The following RFFL variants were observed in gnomAD, a reference collection of about 807,000 sequenced individuals.
The protein encoded by RFFL is ring finger and FYVE like domain containing E3 ubiquitin protein ligase.
RFFL carries 16 observed loss-of-function variants against 40.4 expected under a neutral mutation model. The observed-to-expected ratio is 0.40, with a 90% confidence interval of 0.27 to 0.60. The LOEUF (loss-of-function observed/expected upper bound fraction) is 0.60, where lower values mean the gene tolerates loss of function less well. Among genes scored for constraint, RFFL ranks in the 20% least tolerant of loss-of-function variants. The pLI is 0.47. For missense variants in RFFL, 367 were observed against 451.7 expected (o/e 0.81, Z 1.70); for synonymous variants, 154 against 167.9 (o/e 0.92, Z 0.64).
chr17:35,051,543 C>G (rs2091231831), intron 1 of RFFL, among the ~76,000 whole-genome samples: 1 of 152,168 alleles, frequency 6.6e-6, no homozygotes, highest in African/African-American at 2.4e-5. Context: ...TAACAAGCAC[C>G]AAAAACCAAT....
rs60371081 is a variant in RFFL at position 35,086,149 on chromosome 17, T to C, written c.-9+2956A>G. ...GTCACAAAATAAGAAGTTAATCAGA[T>C]ATTTCCTTACGAAAGACCCGGGAGT... On this transcript the variant is annotated intron_variant, in intron 1 of 6. Coordinates refer to the RFFL transcript ENST00000315249. 4.9e-3 allele frequency among the ~76,000 whole-genome samples: 741 copies of C among 152,322 alleles called. 6 individuals carry two copies. The highest frequency in any genetic ancestry group is 0.017 in the African/African-American group (716 of 41,568).
chr17:35,073,403 G>A (rs1053360706), intron 1 of RFFL, among the ~76,000 whole-genome samples: 1 of 152,172 alleles, frequency 6.6e-6, no homozygotes. Context: ...AGACAAATAA[G>A]TTGTGAAAGA....
At chr17:35,058,215 T>A (rs2091271311) in intron 1 of RFFL, among the ~76,000 whole-genome samples, 1 of 151,902 alleles carries the variant, frequency 6.6e-6, no homozygotes, top group Admixed American at 6.6e-5. Context: ...ATTATATCTA[T>A]CTATCCCCCC....
chr17:35,040,229 C>T (rs938382273), intron 1 of RFFL, among the ~76,000 whole-genome samples: 1 of 152,200 alleles, frequency 6.6e-6, no homozygotes, highest in East Asian at 1.9e-4. Flanking sequence ...TGCTTCTTAC[C>T]CCTCCCTCTG....
chr17:35,052,317 A>G (rs907321839), intron 1 of RFFL, among the ~76,000 whole-genome samples: 28 of 152,222 alleles, frequency 1.8e-4, no homozygotes, highest in African/African-American at 6.8e-4. Flanking sequence ...AATTTTAAGT[A>G]CTGTTCTTTA....
At chr17:35,076,329 C>T (rs1411151588) in intron 1 of RFFL, among the ~76,000 whole-genome samples, 1 of 152,014 alleles carries the variant, frequency 6.6e-6, no homozygotes, top group African/African-American at 2.4e-5. Context: ...AGGTTGGCTA[C>T]TGTGGGCACA....
At chr17:35,073,900 A>T (rs2091363440) in intron 1 of RFFL, 1 of 152,180 alleles carries the variant, frequency 6.6e-6, no homozygotes, top group Admixed American at 6.5e-5. Flanking sequence ...CACATCAAAA[A>T]CGTTTACAAT....
intron 4 of RFFL, among the ~76,000 whole-genome samples, chr17:35,017,310 C>T (rs564839215): frequency 1.3e-5 from 2 of 152,276 alleles, no homozygotes; most frequent in South Asian, 2.1e-4. Context: ...GAGGCTTCTC[C>T]GTCTCCACTG....
intron 2 of RFFL, among the ~76,000 whole-genome samples, chr17:35,023,719 T>C (rs1379034572): frequency 1.3e-5 from 2 of 152,378 alleles, no homozygotes; most frequent in Non-Finnish European, 2.9e-5. Context: ...GACACAATTA[T>C]AAAGCCTGCG....
chr17:35,055,682 A>C (rs2091256774), intron 1 of RFFL, among the ~76,000 whole-genome samples: 1 of 133,966 alleles, frequency 7.5e-6, no homozygotes, highest in Non-Finnish European at 1.5e-5. Flanking sequence ...AAAAAAAAAC[A>C]AACAAACAAA....
At chr17:35,038,152 G>C (rs192547837) in intron 1 of RFFL, among the ~76,000 whole-genome samples, 1 of 152,186 alleles carries the variant, frequency 6.6e-6, no homozygotes, top group Admixed American at 6.5e-5. Context: ...AGCCAGGCGT[G>C]GTGGCACATG....
chr17:35,064,941 C>A (rs770866500), upstream of RFFL, among the ~76,000 whole-genome samples: 1 of 152,204 alleles, frequency 6.6e-6, no homozygotes, highest in Non-Finnish European at 1.5e-5. Flanking sequence ...AGGATAGCCA[C>A]GCTGAGCTTT....
At chr17:35,027,724 CAAAAAA>C (rs34594614) in intron 1 of RFFL, among the ~76,000 whole-genome samples, 1 of 90,316 alleles carries the variant, frequency 1.1e-5, no homozygotes. Flanking sequence ...AACTCCGTCT[CAAAAAA>C]AAAAAAAAAA....
chr17:35,057,849 GCATT>G (rs1369158898), intron 1 of RFFL, among the ~76,000 whole-genome samples: 2 of 151,762 alleles, frequency 1.3e-5, no homozygotes, highest in Non-Finnish European at 2.9e-5. Context: ...ATTCAATCAT[GCATT>G]CAATCAACCA....
intron 6 of RFFL, among the ~76,000 whole-genome samples, chr17:35,014,533 C>T (rs2090961306): frequency 1.3e-5 from 2 of 152,180 alleles, no homozygotes; most frequent in Admixed American, 6.5e-5. Flanking sequence ...TCCGCCCCTA[C>T]GTATGCTCCA....
intron 1 of RFFL, among the ~76,000 whole-genome samples, chr17:35,033,663 A>G (rs2142336056): frequency 6.6e-6 from 1 of 152,096 alleles, no homozygotes; most frequent in Middle Eastern, 3.4e-3. Context: ...GGCAGGTATA[A>G]CCAAATATAA....
intron 2 of RFFL, among the ~76,000 whole-genome samples, chr17:35,022,748 A>T (rs2091017279): frequency 6.6e-6 from 1 of 152,188 alleles, no homozygotes; most frequent in South Asian, 2.1e-4. Flanking sequence ...CCACTCCAGG[A>T]AGGCCCACTC....
At position 35,008,637 on chromosome 17, in the gene RFFL, T is replaced by G. The variant is rs2090913838; in HGVS notation, c.*3331A>C. 1 of 151,984 alleles carries G rather than the reference T, an allele frequency of 6.6e-6. No individual in the cohort carries two copies. Among genetic ancestry groups the G allele is most frequent in the Admixed American group, 6.6e-5 (1 of 15,256 alleles). 9.4% of individuals were successfully genotyped at this position (151,984 alleles called of 1,614,324 possible). A position where few individuals can be genotyped will look rare whatever the true frequency, so the allele number is the denominator to read the frequency against. On this transcript the variant is annotated 3_prime_UTR_variant, in exon 7 of 7. Transcript: ENST00000394597. ...TGGGTTTTTTGTTTGTGTTTTTTTTTGTTTTGTTTTTTGAGACAGAGTCTC... is the reference window on the plus strand; with the variant it reads ...TGGGTTTTTTGTTTGTGTTTTTTTTGGTTTTGTTTTTTGAGACAGAGTCTC...
At chr17:35,075,711 G>A (rs1275538775) in intron 1 of RFFL, among the ~76,000 whole-genome samples, 1 of 152,108 alleles carries the variant, frequency 6.6e-6, no homozygotes, top group East Asian at 1.9e-4. Flanking sequence ...TTCCCTGCCT[G>A]CTCCAAATCA....
Sources: gnomAD v4.1 joint callset for allele counts (sites outside exome capture counted in the v4.1 genomes callset) on GRCh38, gnomAD v4.1.1 for gene constraint, MANE v1.5 for transcripts, NCBI Gene and HGNC (gene_info 2026-07-23, HGNC 2026-07-21) for gene names.